The following MBD5 variants were observed in gnomAD, a reference collection of about 807,000 sequenced individuals.
MBD5 encodes the protein methyl-CpG-binding domain protein 5.
A neutral mutation model predicts 117.3 loss-of-function variants in MBD5; 13 were observed. That is an observed-to-expected ratio of 0.11 (90% CI 0.07 to 0.18). MBD5 has a LOEUF of 0.18. MBD5 is among the 10% of genes least tolerant of loss of function. MBD5 has a pLI of 1.00. For missense variants in MBD5, 1,879 were observed against 2,093.8 expected, an observed-to-expected ratio of 0.90 and a Z score of 2.00; for synonymous variants, 727 against 766.4, an observed-to-expected ratio of 0.95 and a Z score of 0.85.
intron 1 of MBD5, among the ~76,000 whole-genome samples, chr2:148,163,277 G>T (rs1698052088): frequency 6.6e-6 from 1 of 152,078 alleles, no homozygotes; most frequent in Non-Finnish European, 1.5e-5. Context: ...CTGGACTTTA[G>T]GCCCATTCCT....
At chr2:148,371,651 C>T (rs949048549) in intron 4 of MBD5, among the ~76,000 whole-genome samples, 5 of 152,082 alleles carry the variant, frequency 3.3e-5, no homozygotes, top group Non-Finnish European at 7.4e-5. Context: ...AAGAAGGGCA[C>T]AGAATTTCAA....
rs182533520 is a variant in MBD5, at chr2:148,070,554, G to T, written c.-925+48870G>T. Reference sequence around the variant, plus strand: ...AATAGAGAAATTGGTAGGATAGAGGGTATAAAACTCTGAGGGCCATATCTC... The same window carrying T: ...AATAGAGAAATTGGTAGGATAGAGGTTATAAAACTCTGAGGGCCATATCTC... On this transcript the variant is annotated intron_variant, in intron 1 of 13. Coordinates refer to ENST00000642680, the MANE Select transcript of MBD5 (RefSeq NM_001378120.1). Among the ~76,000 whole-genome samples, 11 of 152,204 alleles carry T rather than the reference G, an allele frequency of 7.2e-5. No individual in the cohort carries two copies. The East Asian group carries it at 1.9e-3, about 27-fold the overall frequency.
At chr2:148,231,083 C>T (rs1699972596) in intron 2 of MBD5, among the ~76,000 whole-genome samples, 1 of 152,158 alleles carries the variant, frequency 6.6e-6, no homozygotes, top group African/African-American at 2.4e-5. Flanking sequence ...CCCCCTCCTC[C>T]AGTCCACTGT....
intron 1 of MBD5, among the ~76,000 whole-genome samples, chr2:148,095,263 C>T (rs1356818449): frequency 6.6e-6 from 1 of 152,108 alleles, no homozygotes; most frequent in Non-Finnish European, 1.5e-5. Context: ...ATTCAGATAA[C>T]ATTTTTTAAA....
At chr2:148,111,429 AC>A (rs1696501087) in intron 1 of MBD5, among the ~76,000 whole-genome samples, 1 of 152,184 alleles carries the variant, frequency 6.6e-6, no homozygotes, top group African/African-American at 2.4e-5. Context: ...GATGTGAAAA[AC>A]CAAACAAGAT....
intron 3 of MBD5, among the ~76,000 whole-genome samples, chr2:148,327,950 T>G (rs1702507937): frequency 6.6e-6 from 1 of 152,040 alleles, no homozygotes; most frequent in Admixed American, 6.5e-5. Context: ...TTCTGCTCTG[T>G]TTTTTCCCCA....
At chr2:148,116,086 C>T (rs868740854) in intron 1 of MBD5, among the ~76,000 whole-genome samples, 3 of 152,020 alleles carry the variant, frequency 2.0e-5, no homozygotes, top group Admixed American at 6.6e-5. Context: ...TCAAGCCATC[C>T]GCCTGCCTCA....
chr2:148,502,613 CTGCCTA>C (rs1229702312), intron 12 of MBD5, 104 bp downstream of exon 12: 1 of 1,134,360 alleles, frequency 8.8e-7, no homozygotes, highest in African/African-American at 1.5e-5. Flanking sequence ...ACGCTGTGGC[CTGCCTA>C]AGTGAAGTTT....
intron 4 of MBD5, among the ~76,000 whole-genome samples, chr2:148,403,721 G>A (rs2105110172): frequency 6.6e-6 from 1 of 152,186 alleles, no homozygotes; most frequent in African/African-American, 2.4e-5. Flanking sequence ...ATCTTGTTCA[G>A]ATTTTCCCAA....
rs183900320 is a variant in MBD5 at position 148,168,495 on chromosome 2, A to T, written c.-924-10205A>T. Among the ~76,000 whole-genome samples the T allele has an allele frequency of 3.9e-5, 6 of 152,312 alleles. No homozygotes were observed. In the East Asian group the frequency reaches 1.2e-3, roughly 29 times the overall value. ...ATGATGTCAGTGGTAGTGATTTTTT[A>T]AGAAAGTCATGAAAATGATAAAGTG... On this transcript the variant is annotated intron_variant, in intron 1 of 13. Coordinates refer to ENST00000642680, the MANE Select transcript of MBD5 (RefSeq NM_001378120.1).
intron 4 of MBD5, among the ~76,000 whole-genome samples, chr2:148,384,910 T>C (rs998821228): frequency 1.2e-4 from 19 of 152,034 alleles, no homozygotes; most frequent in African/African-American, 4.6e-4. Flanking sequence ...GCTAGCCATA[T>C]GTAGAAAGCT....
At chr2:148,322,787 A>C (rs1333598387) in intron 3 of MBD5, among the ~76,000 whole-genome samples, 1 of 152,160 alleles carries the variant, frequency 6.6e-6, no homozygotes, top group Non-Finnish European at 1.5e-5. Flanking sequence ...TATATATATA[A>C]CTTTTATACA....
chr2:148,029,584 G>A (rs1055691626), intron 1 of MBD5, among the ~76,000 whole-genome samples: 1 of 151,932 alleles, frequency 6.6e-6, no homozygotes. Flanking sequence ...GTTTTAGAAG[G>A]GTTTTTTGTT....
chr2:148,486,091 T>A, intron 10 of MBD5, 141 bp downstream of exon 10: 1 of 793,206 alleles, frequency 1.3e-6, no homozygotes, highest in East Asian at 2.6e-5. Context: ...ATGAGTATTG[T>A]TAAACATTCC....
intron 4 of MBD5, among the ~76,000 whole-genome samples, chr2:148,386,689 A>G (rs936287483): frequency 9.8e-5 from 14 of 142,450 alleles, no homozygotes; most frequent in Middle Eastern, 3.3e-3. Flanking sequence ...ACTGCACTCC[A>G]GCCTGGGCGA....
intron 1 of MBD5, among the ~76,000 whole-genome samples, chr2:148,095,924 A>G (rs1696058104): frequency 6.6e-6 from 1 of 152,166 alleles, no homozygotes; most frequent in Non-Finnish European, 1.5e-5. Context: ...GAAAGAGAAT[A>G]TAGAAAAAGT....
At chr2:148,239,979 C>T (rs919268785) in intron 3 of MBD5, among the ~76,000 whole-genome samples, 22 of 152,040 alleles carry the variant, frequency 1.4e-4, no homozygotes, top group Non-Finnish European at 2.1e-4. Flanking sequence ...ATGTTTATTG[C>T]GGCACTATTC....
At chr2:148,500,977 T>C in intron 11 of MBD5, among the ~76,000 whole-genome samples, 1 of 152,172 alleles carries the variant, frequency 6.6e-6, no homozygotes, top group East Asian at 1.9e-4. Flanking sequence ...AGTAACCCAA[T>C]AGGACACTTT....
At chr2:148,407,170 T>G (rs557693561) in intron 4 of MBD5, among the ~76,000 whole-genome samples, 1 of 152,348 alleles carries the variant, frequency 6.6e-6, no homozygotes, top group Non-Finnish European at 1.5e-5. Context: ...ATAACTCTTA[T>G]GAATCTATTT....
Sources: gnomAD v4.1 joint callset for allele counts (sites outside exome capture counted in the v4.1 genomes callset) on GRCh38, gnomAD v4.1.1 for gene constraint, MANE v1.5 for transcripts, NCBI Gene and HGNC (gene_info 2026-07-23, HGNC 2026-07-21) for gene names.